The following RXRA variants were observed in gnomAD, a reference collection of about 807,000 sequenced individuals.
RXRA encodes retinoid X receptor alpha, also known as retinoic acid receptor RXR-alpha.
Under a neutral mutation model 44.5 loss-of-function variants are expected in RXRA, and 5 were observed. That is an observed-to-expected ratio of 0.11 (90% CI 0.06 to 0.24). The LOEUF (loss-of-function observed/expected upper bound fraction) is 0.24. Among genes scored for constraint, RXRA ranks in the 10% least tolerant of loss-of-function variants. The pLI is 1.00. For missense variants in RXRA, 412 were observed against 646.5 expected, an observed-to-expected ratio of 0.64 and a Z score of 3.93; for synonymous variants, 291 against 271.4, an observed-to-expected ratio of 1.07 and a Z score of -0.71.
rs1277945137 is a variant in RXRA at position 134,342,094 on chromosome 9, C to T, written c.28+15435C>T. ...GACATGAAGACCCCGAATGAGGAGG[C>T]GTCTCCCTGAAGGCGCTCTGCTGGG... is the stretch of plus-strand genomic sequence containing the variant. On this transcript the variant is annotated intron_variant, in intron 1 of 9. Coordinates refer to ENST00000481739, the MANE Select transcript of RXRA (RefSeq NM_002957.6). The surrounding 1 kb of genome is among the most constrained non-coding windows in gnomAD (Gnocchi z 4.4). Among the ~76,000 whole-genome samples, 8 of 152,114 alleles carry T rather than the reference C, an allele frequency of 5.3e-5. No individual in the cohort carries two copies. The South Asian group carries it at 6.2e-4, about 12-fold the overall frequency.
At chr9:134,427,090 C>T in intron 6 of RXRA, 1 of 983,130 alleles carries the variant, frequency 1.0e-6, no homozygotes, top group Non-Finnish European at 1.2e-6. Flanking sequence ...CACAGATTAC[C>T]CACATGTCAG....
At chr9:134,412,516 A>G (rs577897943) in intron 4 of RXRA, among the ~76,000 whole-genome samples, 16 of 152,304 alleles carry the variant, frequency 1.1e-4, no homozygotes, top group African/African-American at 3.4e-4. Flanking sequence ...TCCCACCCCT[A>G]TGCGGTAGGA....
In RXRA at chr9:134,402,006, C is replaced by T. The variant is rs572061952; in HGVS notation, c.279+124C>T. ...TAGGTGCTGTGGTCTCCCCGCTTGA[C>T]GCAGAGTATACAGAGCCTCGGGGAG... On this transcript the variant is annotated intron_variant, in intron 2 of 9. Transcript: ENST00000481739. 1.1e-4 allele frequency: 95 copies of T among 830,014 alleles called. 1 individual carries two copies. Among genetic ancestry groups the T allele is most frequent in the Admixed American group, 4.3e-4 (15 of 34,504 alleles). 51.4% of individuals were successfully genotyped at this position (830,014 alleles called of 1,614,324 possible).
chr9:134,413,132 C>G (rs1432881835), intron 4 of RXRA, among the ~76,000 whole-genome samples: 2 of 152,178 alleles, frequency 1.3e-5, no homozygotes, highest in Non-Finnish European at 2.9e-5. Flanking sequence ...GACCTTGCCT[C>G]GCCCAGTCCT....
At chr9:134,423,354 C>A in intron 6 of RXRA, 1 of 985,480 alleles carries the variant, frequency 1.0e-6, no homozygotes. Flanking sequence ...CGCTACCGCA[C>A]TGTGGGCTCC....
chr9:134,408,734 T>A (rs1425788726), intron 3 of RXRA, among the ~76,000 whole-genome samples: 2 of 152,158 alleles, frequency 1.3e-5, no homozygotes, highest in Non-Finnish European at 2.9e-5. Flanking sequence ...GGGCTGGGAT[T>A]TGTCCCTGCC....
At chr9:134,330,588 AGC>A (rs1554746524) in intron 1 of RXRA, among the ~76,000 whole-genome samples, 6 of 152,180 alleles carry the variant, frequency 3.9e-5, no homozygotes, top group Admixed American at 6.5e-5. Flanking sequence ...TATAGGGTGC[AGC>A]TCTGTCTTTC....
chr9:134,381,935 T>C (rs1002603376), intron 1 of RXRA, among the ~76,000 whole-genome samples: 5 of 152,122 alleles, frequency 3.3e-5, no homozygotes, highest in Admixed American at 2.6e-4. Context: ...TGATGAAAAC[T>C]GTACCTGTGG....
chr9:134,326,541 C>A lies in RXRA; in HGVS notation c.-91C>A. 1 of 198,416 alleles carries A rather than the reference C, an allele frequency of 5.0e-6. No homozygotes were observed. Among genetic ancestry groups the A allele is most frequent in the Non-Finnish European group, 8.7e-6 (1 of 114,962 alleles). The allele number at this position is 198,416 out of a possible 1,614,324, so 12.3% of individuals were successfully genotyped here. On this transcript the variant is annotated 5_prime_UTR_variant, in exon 1 of 10. Transcript: ENST00000481739. ...GCCGCCACCGCAGCCGCCGGCTCCC[C>A]GCCGCCCGGGCCCGGGCCGGCCGCG...
chr9:134,421,250 C>T (rs1831325337), intron 5 of RXRA, among the ~76,000 whole-genome samples: 1 of 152,222 alleles, frequency 6.6e-6, no homozygotes, highest in Non-Finnish European at 1.5e-5. Context: ...CGGCTGGCTC[C>T]TGGAGGCTCT....
chr9:134,388,286 T>TGTGTGTGTGTGTGTGTGTGAGTGTGTGA (rs71381810), intron 1 of RXRA, among the ~76,000 whole-genome samples: 1 of 150,888 alleles, frequency 6.6e-6, no homozygotes, highest in Admixed American at 6.6e-5. Context: ...AGAAGCAGTG[T>TGTGTGTGTGTGTGTGTGTGAGTGTGTGA]GTGTGTGAGT....
At chr9:134,383,895 T>A (rs1029638171) in intron 1 of RXRA, among the ~76,000 whole-genome samples, 2 of 152,134 alleles carry the variant, frequency 1.3e-5, no homozygotes, top group East Asian at 1.9e-4. Context: ...GAACAAGGGA[T>A]CCTGGCTAAC....
intron 8 of RXRA, 141 bp downstream of exon 8, chr9:134,432,137 C>T (rs1160485735): frequency 1.6e-6 from 1 of 639,302 alleles, no homozygotes. Flanking sequence ...GTGCCCCCCT[C>T]CCAGTGAAAG....
chr9:134,335,370 G>T (rs28607796), intron 1 of RXRA, among the ~76,000 whole-genome samples: 2 of 152,186 alleles, frequency 1.3e-5, no homozygotes, highest in Non-Finnish European at 2.9e-5. Flanking sequence ...TGAGGGATGA[G>T]TAGGAGTTTG....
Position 134,439,192 on chromosome 9 carries a change from C to G in RXRA, c.*2578C>G, listed in dbSNP as rs1221918268. 1 of 152,244 alleles carries G rather than the reference C, an allele frequency of 6.6e-6. No individual in the cohort carries two copies. Among genetic ancestry groups the G allele is most frequent in the Non-Finnish European group, 1.5e-5 (1 of 68,052 alleles). 9.4% of individuals were successfully genotyped at this position (152,244 alleles called of 1,614,324 possible). On this transcript the variant is annotated 3_prime_UTR_variant, in exon 10 of 10. Coordinates refer to ENST00000481739, the MANE Select transcript of RXRA (RefSeq NM_002957.6). ...AATTTTCTAAAGATAGCACTAACATCAGCTCATTAGCCACCTGTGCCTGTC... is the reference window on the plus strand; with the variant it reads ...AATTTTCTAAAGATAGCACTAACATGAGCTCATTAGCCACCTGTGCCTGTC...
chr9:134,360,072 C>T (rs866176721), intron 1 of RXRA, among the ~76,000 whole-genome samples: 3 of 152,200 alleles, frequency 2.0e-5, no homozygotes, highest in Non-Finnish European at 2.9e-5. Context: ...TGGGCCCACC[C>T]GGCACAGATG....
In RXRA at chr9:134,342,090, G is replaced by A. The variant is rs1830092968; in HGVS notation, c.28+15431G>A. 6.6e-6 allele frequency among the ~76,000 whole-genome samples: 1 copy of A among 152,148 alleles called. No homozygotes were observed. ...GGGGGACATGAAGACCCCGAATGAG[G>A]AGGCGTCTCCCTGAAGGCGCTCTGC... On this transcript the variant is annotated intron_variant, in intron 1 of 9. Coordinates refer to ENST00000481739, the MANE Select transcript of RXRA (RefSeq NM_002957.6). The surrounding 1 kb of genome is among the most constrained non-coding windows in gnomAD (Gnocchi z 4.4).
At chr9:134,388,228 G>C (rs973473155) in intron 1 of RXRA, among the ~76,000 whole-genome samples, 1 of 151,958 alleles carries the variant, frequency 6.6e-6, no homozygotes, top group African/African-American at 2.4e-5. Flanking sequence ...TAGGCTGTTA[G>C]ACTGTGCTCT....
chr9:134,361,221 C>T (rs1276973919), intron 1 of RXRA, among the ~76,000 whole-genome samples: 1 of 152,188 alleles, frequency 6.6e-6, no homozygotes, highest in Non-Finnish European at 1.5e-5. Context: ...CACTGGGTCT[C>T]GGAGCTGGGA....
Sources: allele counts gnomAD v4.1 joint callset (sites outside exome capture counted in the v4.1 genomes callset), GRCh38; gene constraint gnomAD v4.1.1; non-coding constraint Gnocchi (gnomAD v3.1); transcripts MANE v1.5; gene names NCBI Gene and HGNC (gene_info 2026-07-23, HGNC 2026-07-21).